The following ATG5 variants were observed in gnomAD, a reference collection of about 807,000 sequenced individuals.
ATG5 encodes autophagy related 5.
A neutral mutation model predicts 36.5 loss-of-function variants in ATG5; 14 were observed. That is an observed-to-expected ratio of 0.38 (90% CI 0.25 to 0.60). The LOEUF is 0.60. Among genes scored for constraint, ATG5 ranks in the 20% least tolerant of loss-of-function variants. ATG5 has a pLI of 0.60. For synonymous variants in ATG5, 95 were observed against 101.5 expected, an observed-to-expected ratio of 0.94 and a Z score of 0.38; for missense variants, 195 against 326.7, an observed-to-expected ratio of 0.60 and a Z score of 3.11.
chr6:106,294,739 A>T (rs1780465841), intron 3 of ATG5, among the ~76,000 whole-genome samples: 1 of 150,904 alleles, frequency 6.6e-6, no homozygotes, highest in Non-Finnish European at 1.5e-5. Flanking sequence ...GCTACTCAGG[A>T]GGCTGAGGCG....
At chr6:106,287,572 C>T (rs1780128589) in intron 4 of ATG5, among the ~76,000 whole-genome samples, 1 of 152,090 alleles carries the variant, frequency 6.6e-6, no homozygotes, top group African/African-American at 2.4e-5. Context: ...AACCAAAACG[C>T]ACCAAATCAG....
At chr6:106,245,885 A>G (rs1376450995) in intron 6 of ATG5, among the ~76,000 whole-genome samples, 1 of 152,210 alleles carries the variant, frequency 6.6e-6, no homozygotes, top group Non-Finnish European at 1.5e-5. Flanking sequence ...CTAATCAGAT[A>G]TAAAGAAGTC....
intron 1 of ATG5, among the ~76,000 whole-genome samples, chr6:106,318,919 T>C (rs1770962062): frequency 6.6e-6 from 1 of 152,290 alleles, no homozygotes; most frequent in South Asian, 2.1e-4. Context: ...AACTAAAGGA[T>C]GTTAAGTTTT....
At chr6:106,230,599 A>G (rs1206328134) in intron 6 of ATG5, among the ~76,000 whole-genome samples, 3 of 152,246 alleles carry the variant, frequency 2.0e-5, no homozygotes, top group Non-Finnish European at 4.4e-5. Context: ...AGGACGCTCT[A>G]GGACTAATGC....
At chr6:106,188,455 A>G (rs1452542639) in intron 7 of ATG5, among the ~76,000 whole-genome samples, 1 of 152,212 alleles carries the variant, frequency 6.6e-6, no homozygotes, top group Non-Finnish European at 1.5e-5. Context: ...ACCTTTGTAT[A>G]CTATGAAACA....
intron 6 of ATG5, among the ~76,000 whole-genome samples, chr6:106,237,103 A>T (rs1290550012): frequency 6.6e-6 from 1 of 152,210 alleles, no homozygotes; most frequent in Non-Finnish European, 1.5e-5. Flanking sequence ...CTACTGTTCT[A>T]CTTTGGTAAA....
chr6:106,316,421 A>C (rs569890100), intron 1 of ATG5, among the ~76,000 whole-genome samples, 155 bp from the exon 2 acceptor site: 1 of 152,320 alleles, frequency 6.6e-6, no homozygotes, highest in South Asian at 2.1e-4. Context: ...AATTCAAAGA[A>C]AAGAGTACAA....
At chr6:106,312,799 CTG>C (rs1279672217) in intron 2 of ATG5, among the ~76,000 whole-genome samples, 10 of 152,120 alleles carry the variant, frequency 6.6e-5, no homozygotes, top group Admixed American at 6.5e-4. Flanking sequence ...CAAACAGACT[CTG>C]AGCTTGGCTA....
chr6:106,250,395 G>GT (rs1205362026), intron 5 of ATG5, among the ~76,000 whole-genome samples: 3 of 152,174 alleles, frequency 2.0e-5, no homozygotes, highest in East Asian at 1.9e-4. Context: ...TCTGAATCCA[G>GT]TAAGTCCAGC....
chr6:106,317,897 A>G (rs1770914740), intron 1 of ATG5, among the ~76,000 whole-genome samples: 1 of 152,220 alleles, frequency 6.6e-6, no homozygotes, highest in African/African-American at 2.4e-5. Flanking sequence ...AAATAAGTAA[A>G]TCTAAAATTG....
At chr6:106,246,008 T>C (rs958819363) in intron 6 of ATG5, among the ~76,000 whole-genome samples, 3 of 152,160 alleles carry the variant, frequency 2.0e-5, no homozygotes, top group African/African-American at 4.8e-5. Flanking sequence ...AATAGGGAAA[T>C]AGGAAAAGCC....
At chr6:106,254,996 C>CT in intron 5 of ATG5, among the ~76,000 whole-genome samples, 1 of 152,354 alleles carries the variant, frequency 6.6e-6, no homozygotes, top group East Asian at 1.9e-4. Context: ...CTCTATGTCC[C>CT]TTTTGCTTCC....
intron 7 of ATG5, among the ~76,000 whole-genome samples, chr6:106,192,722 T>G (rs1776013081): frequency 6.6e-6 from 1 of 152,210 alleles, no homozygotes; most frequent in South Asian, 2.1e-4. Flanking sequence ...TTTGCTATCT[T>G]GGAATGTGTA....
chr6:106,222,034 G>C (rs1361276810), intron 6 of ATG5, among the ~76,000 whole-genome samples: 1 of 152,072 alleles, frequency 6.6e-6, no homozygotes, highest in Non-Finnish European at 1.5e-5. Context: ...TGGGATTACA[G>C]GTGTGCGTCA....
At chr6:106,208,435 T>C (rs1002862405) in intron 6 of ATG5, among the ~76,000 whole-genome samples, 3 of 152,202 alleles carry the variant, frequency 2.0e-5, no homozygotes, top group African/African-American at 7.2e-5. Context: ...ATGCAAACTG[T>C]GTTCACTCAA....
At chr6:106,212,093 T>C (rs966597502) in intron 6 of ATG5, among the ~76,000 whole-genome samples, 1 of 152,194 alleles carries the variant, frequency 6.6e-6, no homozygotes, top group Non-Finnish European at 1.5e-5. Flanking sequence ...TATAATTAGA[T>C]TTGCCTAACT....
At chr6:106,293,544 G>A (rs556680893) in intron 3 of ATG5, among the ~76,000 whole-genome samples, 29 of 152,272 alleles carry the variant, frequency 1.9e-4, no homozygotes, top group African/African-American at 6.5e-4. Context: ...CACCTATTCT[G>A]TGGTTATTAC....
chr6:106,240,586 G>A (rs1384198376), intron 6 of ATG5, among the ~76,000 whole-genome samples: 2 of 151,768 alleles, frequency 1.3e-5, no homozygotes, highest in Non-Finnish European at 2.9e-5. Flanking sequence ...TATTGCTGGT[G>A]GAGATGTAAG....
intron 7 of ATG5, among the ~76,000 whole-genome samples, chr6:106,200,406 T>C (rs1371858593): frequency 1.3e-5 from 2 of 152,178 alleles, no homozygotes; most frequent in African/African-American, 2.4e-5. Flanking sequence ...TACTAATGCA[T>C]TACCTGTTTC....
Sources: allele counts gnomAD v4.1 joint callset (sites outside exome capture counted in the v4.1 genomes callset), GRCh38; gene constraint gnomAD v4.1.1; transcripts MANE v1.5; gene names NCBI Gene and HGNC (gene_info 2026-07-23, HGNC 2026-07-21).